Variants in CLYBL observed in about 807,000 individuals in gnomAD.
CLYBL encodes citramalyl-CoA lyase.
CLYBL carries 31 observed loss-of-function variants against 38.9 expected under a neutral mutation model. That is an observed-to-expected ratio of 0.80 (90% CI 0.60 to 1.08). The LOEUF is 1.08. Among genes scored for constraint, CLYBL ranks in the 50% least tolerant of loss-of-function variants. CLYBL has a pLI of 0.00. For synonymous variants in CLYBL, 171 were observed against 158.6 expected (o/e 1.08, Z -0.59); for missense variants, 434 against 411.6 (o/e 1.05, Z -0.47).
chr13:99,832,355 A>T (rs1273324548), intron 2 of CLYBL, among the ~76,000 whole-genome samples: 1 of 152,184 alleles, frequency 6.6e-6, no homozygotes, highest in Non-Finnish European at 1.5e-5. Context: ...AAAAGAACCC[A>T]CTTTAGACCT....
chr13:99,795,361 G>C (rs1440059068), intron 2 of CLYBL, among the ~76,000 whole-genome samples: 1 of 152,058 alleles, frequency 6.6e-6, no homozygotes, highest in Non-Finnish European at 1.5e-5. Flanking sequence ...AAACCAAAAA[G>C]ACTTTTCTAG....
chr13:99,882,265 G>A (rs2052229520), intron 7 of CLYBL, among the ~76,000 whole-genome samples: 1 of 152,122 alleles, frequency 6.6e-6, no homozygotes, highest in Non-Finnish European at 1.5e-5. Context: ...GTCCTCTTAA[G>A]TTCCTTTATA....
intron 1 of CLYBL, among the ~76,000 whole-genome samples, chr13:99,769,291 C>G (rs921013362): frequency 3.3e-5 from 5 of 152,122 alleles, no homozygotes; most frequent in Admixed American, 1.3e-4. Context: ...AAGCCTTCCC[C>G]GAGAAGTTGC....
chr13:99,778,942 T>C (rs1411590792), intron 2 of CLYBL, among the ~76,000 whole-genome samples: 1 of 152,166 alleles, frequency 6.6e-6, no homozygotes, highest in Non-Finnish European at 1.5e-5. Context: ...TAAATACTAA[T>C]CAATACTTAA....
chr13:99,819,657 G>A (rs1430139400), intron 2 of CLYBL, among the ~76,000 whole-genome samples: 1 of 151,328 alleles, frequency 6.6e-6, no homozygotes, highest in Non-Finnish European at 1.5e-5. Flanking sequence ...TGAGAACCAG[G>A]GAGGCCACAT....
intron 1 of CLYBL, among the ~76,000 whole-genome samples, chr13:99,658,577 C>T (rs753887144): frequency 6.0e-4 from 92 of 152,302 alleles, no homozygotes; most frequent in Non-Finnish European, 9.1e-4. Flanking sequence ...GGTAGCTAGG[C>T]CCTCCAGCCC....
Position 99,827,479 on chromosome 13 carries a change from C to T in CLYBL, c.250-31382C>T, listed in dbSNP as rs1211438758. 5.9e-5 allele frequency among the ~76,000 whole-genome samples: 9 copies of T among 152,162 alleles called. No homozygotes were observed. The East Asian group carries it at 1.3e-3, about 23-fold the overall frequency. ...AAGTCCCCAGTCTCTGCCTCAGGAC[C>T]CCATGCATGGCCCATCATCCCCGCT... On this transcript the variant is annotated intron_variant, in intron 2 of 8. Coordinates refer to ENST00000339105, the MANE Select transcript of CLYBL (RefSeq NM_206808.5).
chr13:99,646,005 C>T (rs1169842484), intron 1 of CLYBL, among the ~76,000 whole-genome samples: 1 of 152,090 alleles, frequency 6.6e-6, no homozygotes, highest in African/African-American at 2.4e-5. Context: ...CTAATTTAAA[C>T]TTAGGATTCT....
chr13:99,629,665 A>G (rs775274861), intron 1 of CLYBL, among the ~76,000 whole-genome samples: 3 of 152,008 alleles, frequency 2.0e-5, no homozygotes, highest in Non-Finnish European at 4.4e-5. Context: ...GGCCTTTAAT[A>G]TTTCTGTCCT....
At chr13:99,689,808 A>G (rs1320779087) in intron 1 of CLYBL, among the ~76,000 whole-genome samples, 1 of 152,120 alleles carries the variant, frequency 6.6e-6, no homozygotes, top group Non-Finnish European at 1.5e-5. Context: ...TTTGACCAAC[A>G]CCAAACTTGC....
intron 1 of CLYBL, among the ~76,000 whole-genome samples, chr13:99,607,076 C>T (rs1387978315): frequency 2.0e-5 from 3 of 152,202 alleles, no homozygotes; most frequent in Middle Eastern, 3.2e-3. Context: ...TGAGAGGCGG[C>T]TTGCCTGGTG....
At chr13:99,612,252 CTCTT>C (rs950580348) in intron 1 of CLYBL, among the ~76,000 whole-genome samples, 15 of 151,774 alleles carry the variant, frequency 9.9e-5, no homozygotes, top group African/African-American at 3.4e-4. Context: ...ATCGATTTTT[CTCTT>C]TTTTTTGTTT....
At chr13:99,642,284 G>A (rs1044703011) in intron 1 of CLYBL, among the ~76,000 whole-genome samples, 8 of 152,202 alleles carry the variant, frequency 5.3e-5, no homozygotes, top group Non-Finnish European at 7.3e-5. Flanking sequence ...CCTGGGCACC[G>A]AGCATATTCA....
intron 1 of CLYBL, among the ~76,000 whole-genome samples, chr13:99,698,259 T>C (rs943161176): frequency 2.0e-5 from 3 of 152,070 alleles, no homozygotes; most frequent in African/African-American, 7.2e-5. Context: ...TGGCACAATC[T>C]TGGCTCACTG....
At chr13:99,782,816 G>A (rs956854278) in intron 2 of CLYBL, among the ~76,000 whole-genome samples, 2 of 151,782 alleles carry the variant, frequency 1.3e-5, no homozygotes, top group African/African-American at 2.4e-5. Context: ...TTCACATATG[G>A]CCTCTGTTTC....
At chr13:99,776,508 TTG>T (rs1173315263) in intron 2 of CLYBL, among the ~76,000 whole-genome samples, 4 of 86,666 alleles carry the variant, frequency 4.6e-5, no homozygotes, top group South Asian at 3.0e-4. Context: ...AAAAAAAAAG[TTG>T]TTTTTTTTTT....
At chr13:99,758,281 A>C (rs1479704673) in intron 1 of CLYBL, among the ~76,000 whole-genome samples, 1 of 152,182 alleles carries the variant, frequency 6.6e-6, no homozygotes, top group African/African-American at 2.4e-5. Context: ...TGAAGGGGGA[A>C]GGGAGACGAC....
At chr13:99,659,828 T>A (rs1301871241) in intron 1 of CLYBL, among the ~76,000 whole-genome samples, 1 of 152,162 alleles carries the variant, frequency 6.6e-6, no homozygotes, top group Non-Finnish European at 1.5e-5. Context: ...GCATAAATAA[T>A]TGATATGTGG....
chr13:99,762,225 A>G (rs2049179965), intron 1 of CLYBL, among the ~76,000 whole-genome samples: 1 of 152,030 alleles, frequency 6.6e-6, no homozygotes, highest in Admixed American at 6.6e-5. Flanking sequence ...GGGGTCTTAC[A>G]CAAAAATTTT....
Sources: gnomAD v4.1 joint callset for allele counts (sites outside exome capture counted in the v4.1 genomes callset) on GRCh38, gnomAD v4.1.1 for gene constraint, MANE v1.5 for transcripts, NCBI Gene and HGNC (gene_info 2026-07-23, HGNC 2026-07-21) for gene names.